Variants in GLRA1 observed in about 807,000 individuals in gnomAD.
GLRA1 encodes glycine receptor subunit alpha-1.
Under a neutral mutation model 48.3 loss-of-function variants are expected in GLRA1, and 37 were observed. That is an observed-to-expected ratio of 0.77 (90% CI 0.59 to 1.01). The LOEUF (loss-of-function observed/expected upper bound fraction) is 1.01. Among genes scored for constraint, GLRA1 ranks in the 50% least tolerant of loss-of-function variants. The pLI, the probability that GLRA1 is intolerant of heterozygous loss-of-function variation, is 0.00. For missense variants in GLRA1, 427 were observed against 571.0 expected (o/e 0.75, Z 2.57); for synonymous variants, 196 against 210.7 (o/e 0.93, Z 0.60).
At chr5:151,889,078 C>G (rs1753990117) in intron 2 of GLRA1, among the ~76,000 whole-genome samples, 1 of 152,178 alleles carries the variant, frequency 6.6e-6, no homozygotes, top group Non-Finnish European at 1.5e-5. Context: ...CACCCAGTCC[C>G]TGCAAGTGTC....
intron 7 of GLRA1, chr5:151,849,795 C>T: frequency 1.1e-6 from 1 of 922,344 alleles, no homozygotes; most frequent in East Asian, 4.3e-5. Context: ...CTCAGGTGAT[C>T]CAACTGCCTT....
At chr5:151,890,287 A>C (rs1207300243) in intron 2 of GLRA1, among the ~76,000 whole-genome samples, 1 of 152,130 alleles carries the variant, frequency 6.6e-6, no homozygotes, top group East Asian at 1.9e-4. Flanking sequence ...TCTATGTGTC[A>C]AGTACAGTGG....
At chr5:151,823,840 C>G (rs1443611820) in intron 8 of GLRA1, among the ~76,000 whole-genome samples, 4 of 152,158 alleles carry the variant, frequency 2.6e-5, no homozygotes, top group Non-Finnish European at 5.9e-5. Flanking sequence ...TCATCTCTTT[C>G]CCAGGTCATG....
chr5:151,844,310 T>C (rs1196316134), intron 7 of GLRA1, among the ~76,000 whole-genome samples: 1 of 151,798 alleles, frequency 6.6e-6, no homozygotes, highest in Non-Finnish European at 1.5e-5. Context: ...GACCTTGGAT[T>C]AGGCAATAGT....
chr5:151,829,075 G>C lies in GLRA1; in HGVS notation c.913-8C>G, dbSNP rs768129276. ...GGCTTTCACATAGGACACCTAGAGTGGGGGTGGAGGAGAAACAGGGAGGTG... is the reference window on the plus strand; with the variant it reads ...GGCTTTCACATAGGACACCTAGAGTCGGGGTGGAGGAGAAACAGGGAGGTG... On this transcript the variant is annotated splice_polypyrimidine_tract_variant and splice_region_variant and intron_variant, in intron 7 of 8. Transcript: ENST00000274576. The C allele has an allele frequency of 1.9e-6, 3 of 1,613,344 alleles. No homozygotes were observed. Among genetic ancestry groups the C allele is most frequent in the Admixed American group, 1.7e-5 (1 of 60,024 alleles).
intron 7 of GLRA1, chr5:151,849,211 TTC>T (rs1752802014): frequency 9.5e-6 from 1 of 105,498 alleles, no homozygotes; most frequent in African/African-American, 5.0e-5. Flanking sequence ...CTTTCTTTCC[TTC>T]CTTTCTTCCT....
At chr5:151,829,466 C>T (rs528426930) in intron 7 of GLRA1, among the ~76,000 whole-genome samples, 7 of 152,260 alleles carry the variant, frequency 4.6e-5, no homozygotes, top group African/African-American at 1.4e-4. Flanking sequence ...AATGAGAACA[C>T]TGGAAAAAAT....
intron 1 of GLRA1, among the ~76,000 whole-genome samples, chr5:151,903,606 TA>T (rs1754413354): frequency 6.6e-6 from 1 of 152,162 alleles, no homozygotes; most frequent in South Asian, 2.1e-4. Flanking sequence ...TCCTGTGCAT[TA>T]AAAAAGACAT....
chr5:151,867,069 C>T (rs1405477960), intron 3 of GLRA1, among the ~76,000 whole-genome samples: 2 of 152,138 alleles, frequency 1.3e-5, no homozygotes, highest in East Asian at 1.9e-4. Flanking sequence ...CATGATTGTG[C>T]CACTGCACTC....
At chr5:151,898,520 C>G (rs1379602272) in intron 1 of GLRA1, among the ~76,000 whole-genome samples, 1 of 152,152 alleles carries the variant, frequency 6.6e-6, no homozygotes. Flanking sequence ...CACCACACCC[C>G]CAAGAACCAC....
At chr5:151,848,799 C>G (rs1752753544) in intron 7 of GLRA1, 1 of 366,854 alleles carries the variant, frequency 2.7e-6, no homozygotes, top group South Asian at 3.5e-5. Context: ...ACGGCGGTCT[C>G]CTCTCCTCTC....
At chr5:151,903,673 C>A (rs1023004004) in intron 1 of GLRA1, among the ~76,000 whole-genome samples, 6 of 152,196 alleles carry the variant, frequency 3.9e-5, no homozygotes, top group African/African-American at 1.4e-4. Context: ...GCAAGACTAT[C>A]ATCTCCATTT....
chr5:151,900,959 A>G (rs544154445), intron 1 of GLRA1, among the ~76,000 whole-genome samples: 1 of 152,230 alleles, frequency 6.6e-6, no homozygotes, highest in South Asian at 2.1e-4. Context: ...ATTCCAGAGG[A>G]AGCTTAATTT....
At chr5:151,860,656 A>G (rs1388305326) in intron 3 of GLRA1, among the ~76,000 whole-genome samples, 1 of 152,154 alleles carries the variant, frequency 6.6e-6, no homozygotes, top group African/African-American at 2.4e-5. Context: ...TCTATAACTT[A>G]CTGTGACATA....
intron 3 of GLRA1, among the ~76,000 whole-genome samples, chr5:151,865,310 G>C (rs1753307823): frequency 6.6e-6 from 1 of 152,196 alleles, no homozygotes; most frequent in East Asian, 1.9e-4. Flanking sequence ...CTGGACTTGG[G>C]GGTGGTGATC....
chr5:151,842,079 G>C (rs921925851), intron 7 of GLRA1, among the ~76,000 whole-genome samples: 1 of 132,586 alleles, frequency 7.5e-6, no homozygotes, highest in Non-Finnish European at 1.6e-5. Context: ...AAAAAAAATA[G>C]AAACTTTGAA....
At chr5:151,846,855 T>C (rs1581610682) in intron 7 of GLRA1, among the ~76,000 whole-genome samples, 2 of 152,258 alleles carry the variant, frequency 1.3e-5, no homozygotes, top group African/African-American at 4.8e-5. Context: ...GAATTATTTC[T>C]AACTCAATAA....
intron 7 of GLRA1, among the ~76,000 whole-genome samples, chr5:151,842,958 TA>T (rs1024479087): frequency 1.3e-5 from 2 of 152,180 alleles, no homozygotes; most frequent in African/African-American, 4.8e-5. Flanking sequence ...ATGAATAATT[TA>T]AAAATTAAAC....
intron 7 of GLRA1, among the ~76,000 whole-genome samples, chr5:151,840,115 A>G (rs193134187): frequency 7.0e-6 from 1 of 143,646 alleles, no homozygotes; most frequent in East Asian, 2.1e-4. Flanking sequence ...TTTTTTTTTG[A>G]TAGTGTCTTG....
Sources: allele counts gnomAD v4.1 joint callset (sites outside exome capture counted in the v4.1 genomes callset), GRCh38; gene constraint gnomAD v4.1.1; transcripts MANE v1.5; gene names NCBI Gene and HGNC (gene_info 2026-07-23, HGNC 2026-07-21).